Variants in SCHIP1 observed in about 807,000 individuals in gnomAD.
SCHIP1 encodes schwannomin-interacting protein 1.
A neutral mutation model predicts 29.7 loss-of-function variants in SCHIP1; 8 were observed. The observed-to-expected ratio is 0.27, with a 90% confidence interval of 0.16 to 0.49. The LOEUF (loss-of-function observed/expected upper bound fraction) is 0.49, where lower values mean the gene tolerates loss of function less well. Among genes scored for constraint, SCHIP1 ranks in the 20% least tolerant of loss-of-function variants. The probability of loss-of-function intolerance (pLI) is 0.99; values close to 1 mark genes in which losing one functional copy is unlikely to be tolerated. For synonymous variants in SCHIP1, 76 were observed against 94.9 expected (o/e 0.80, Z 1.16); for missense variants, 193 against 294.6 (o/e 0.66, Z 2.52).
chr3:159,794,252 T>C, the SCHIP1 span, among the ~76,000 whole-genome samples: 3 of 152,202 alleles, frequency 2.0e-5, no homozygotes, highest in Non-Finnish European at 2.9e-5. Flanking sequence ...CAGTTTCTGA[T>C]GGGTAAGAGA....
chr3:159,381,114 C>G, the SCHIP1 span, among the ~76,000 whole-genome samples: 1 of 152,056 alleles, frequency 6.6e-6, no homozygotes, highest in Non-Finnish European at 1.5e-5. Context: ...TGAGGTGAAT[C>G]ATTTAGGGCA....
chr3:159,495,949 G>A, the SCHIP1 span, among the ~76,000 whole-genome samples: 28 of 152,134 alleles, frequency 1.8e-4, no homozygotes, highest in African/African-American at 4.8e-4. Flanking sequence ...AAATAATGCC[G>A]CATATCTACA....
the SCHIP1 span, among the ~76,000 whole-genome samples, chr3:159,315,075 A>T: frequency 6.6e-6 from 1 of 152,096 alleles, no homozygotes; most frequent in Non-Finnish European, 1.5e-5. Flanking sequence ...TTTAGTAGCT[A>T]TTGCGAAAAG....
chr3:159,637,372 CA>C, the SCHIP1 span, among the ~76,000 whole-genome samples: 791 of 9,772 alleles, frequency 0.081, 9 homozygotes, highest in African/African-American at 0.37. Flanking sequence ...CGGCCCCAGC[CA>C]CACACACACA....
the SCHIP1 span, among the ~76,000 whole-genome samples, chr3:159,429,405 A>G: frequency 3.9e-5 from 6 of 152,164 alleles, no homozygotes; most frequent in Middle Eastern, 3.4e-3. Flanking sequence ...TCACCAAAAA[A>G]GCCACAGAGA....
the SCHIP1 span, among the ~76,000 whole-genome samples, chr3:159,475,167 GA>G: frequency 1.3e-5 from 2 of 152,216 alleles, no homozygotes; most frequent in South Asian, 4.1e-4. Context: ...ACAGAAAGTT[GA>G]AAAAACCCAA....
the SCHIP1 span, among the ~76,000 whole-genome samples, chr3:159,470,170 A>G: frequency 6.6e-6 from 1 of 152,204 alleles, no homozygotes; most frequent in Admixed American, 6.6e-5. Context: ...ACCAGATAAT[A>G]TTATATTTCA....
At chr3:159,475,445 CTAATAGGTA>C in the SCHIP1 span, among the ~76,000 whole-genome samples, 2 of 151,974 alleles carry the variant, frequency 1.3e-5, no homozygotes, top group African/African-American at 2.4e-5. Context: ...GAAATGATTG[CTAATAGGTA>C]TAGGGTTTTT....
At chr3:159,545,622 TATATATACA>T in the SCHIP1 span, among the ~76,000 whole-genome samples, 3 of 148,698 alleles carry the variant, frequency 2.0e-5, no homozygotes, top group South Asian at 2.1e-4. Context: ...ATATACACAA[TATATATACA>T]ATATATACAA....
At chr3:159,335,755 T>C in the SCHIP1 span, among the ~76,000 whole-genome samples, 1 of 152,224 alleles carries the variant, frequency 6.6e-6, no homozygotes, top group East Asian at 1.9e-4. Context: ...GTTGGAAATT[T>C]GGGTTGGTTC....
the SCHIP1 span, among the ~76,000 whole-genome samples, chr3:159,431,023 C>A: frequency 6.6e-6 from 1 of 152,056 alleles, no homozygotes; most frequent in Non-Finnish European, 1.5e-5. Context: ...AGGACCAGGA[C>A]CTTCAATACC....
At chr3:159,740,968 C>T in the SCHIP1 span, among the ~76,000 whole-genome samples, 2 of 151,970 alleles carry the variant, frequency 1.3e-5, no homozygotes, top group Non-Finnish European at 2.9e-5. Flanking sequence ...CCCCTAAAGC[C>T]TCTTGCAGAC....
At chr3:159,463,032 C>A in the SCHIP1 span, among the ~76,000 whole-genome samples, 1 of 151,646 alleles carries the variant, frequency 6.6e-6, no homozygotes, top group Non-Finnish European at 1.5e-5. Flanking sequence ...ATTATATAGA[C>A]ACGGAAAGTC....
chr3:159,527,674 G>T, the SCHIP1 span, among the ~76,000 whole-genome samples: 2 of 152,094 alleles, frequency 1.3e-5, no homozygotes, highest in East Asian at 3.8e-4. Context: ...TTTATATATG[G>T]CCAATTGTTG....
chr3:159,724,768 T>C, the SCHIP1 span, among the ~76,000 whole-genome samples: 4 of 152,328 alleles, frequency 2.6e-5, no homozygotes, highest in Admixed American at 2.0e-4. Context: ...TTGCCTTCAA[T>C]AAAATTTAAA....
the SCHIP1 span, among the ~76,000 whole-genome samples, chr3:159,455,410 C>T: frequency 6.6e-6 from 1 of 152,132 alleles, no homozygotes; most frequent in Non-Finnish European, 1.5e-5. Context: ...ACAAGCAAGG[C>T]AATAACAATA....
chr3:159,554,752 TGGAG>T, the SCHIP1 span, among the ~76,000 whole-genome samples: 7 of 152,074 alleles, frequency 4.6e-5, no homozygotes, highest in Non-Finnish European at 8.8e-5. Context: ...TCTGGCTTCC[TGGAG>T]TTGCTCATCT....
At chr3:159,558,400 G>A in the SCHIP1 span, among the ~76,000 whole-genome samples, 5 of 152,180 alleles carry the variant, frequency 3.3e-5, no homozygotes, top group Non-Finnish European at 2.9e-5. Flanking sequence ...GAAACAAGAA[G>A]CAGCAACCTG....
the SCHIP1 span, among the ~76,000 whole-genome samples, chr3:159,281,795 G>A: frequency 6.6e-6 from 1 of 151,962 alleles, no homozygotes; most frequent in Non-Finnish European, 1.5e-5. Context: ...TCGTTGTAAT[G>A]TGTATATTCA....
Sources: gnomAD v4.1 joint callset for allele counts (sites outside exome capture counted in the v4.1 genomes callset) on GRCh38, gnomAD v4.1.1 for gene constraint, MANE v1.5 for transcripts, NCBI Gene and HGNC (gene_info 2026-07-23, HGNC 2026-07-21) for gene names.